Variants in OGDHL observed in about 807,000 individuals in gnomAD.
OGDHL encodes the protein 2-oxoglutarate dehydrogenase-like, mitochondrial.
Under a neutral mutation model 109.6 loss-of-function variants are expected in OGDHL, and 79 were observed. That is an observed-to-expected ratio of 0.72 (90% CI 0.60 to 0.87). OGDHL has a LOEUF of 0.87. OGDHL is among the 40% of genes least tolerant of loss of function. OGDHL has a pLI of 0.00. For missense variants in OGDHL, 1,275 were observed against 1,362.2 expected (o/e 0.94, Z 1.01); for synonymous variants, 528 against 537.2 (o/e 0.98, Z 0.24).
intron 13 of OGDHL, among the ~76,000 whole-genome samples, chr10:49,744,335 A>G (rs1365998631): frequency 6.6e-6 from 1 of 152,106 alleles, no homozygotes; most frequent in Non-Finnish European, 1.5e-5. Flanking sequence ...GCCCCAGGGT[A>G]ACAGCTCTTC....
At position 49,758,545 on chromosome 10, in the gene OGDHL, C is replaced by T. The variant is rs766810421; in HGVS notation, c.48G>A (p.Ala16=). Residue 16 remains alanine (A), a synonymous_variant, in exon 2 of 23, where the codon GCG becomes GCA. Coordinates refer to ENST00000374103, the MANE Select transcript of OGDHL (RefSeq NM_018245.3). ...LLPSRLGVQA[A]RLLAAHDVPV... ...GGACGTCATGTGCAGCCAGGAGCCT[C>T]GCAGCCTGTACCCCAAGACGGGACG... 1.7e-5 allele frequency: 27 copies of T among 1,613,762 alleles called. No homozygotes were observed. Among genetic ancestry groups the T allele is most frequent in the Admixed American group, 3.3e-5 (2 of 60,010 alleles).
At chr10:49,760,109 T>C (rs1843178429) in intron 1 of OGDHL, among the ~76,000 whole-genome samples, 1 of 152,174 alleles carries the variant, frequency 6.6e-6, no homozygotes, top group Admixed American at 6.5e-5. Context: ...TGATGTCACC[T>C]CAATGGAGGG....
At chr10:49,753,101 G>A (rs1564554355) in intron 3 of OGDHL, among the ~76,000 whole-genome samples, 1 of 152,218 alleles carries the variant, frequency 6.6e-6, no homozygotes, top group Non-Finnish European at 1.5e-5. Flanking sequence ...GCACTCCAGA[G>A]CCATTAAAAG....
At position 49,737,810 on chromosome 10, in the gene OGDHL, A is replaced by C; in HGVS notation, c.2566T>G (p.Ser856Ala). 1 of 1,614,174 alleles carries C rather than the reference A, an allele frequency of 6.2e-7. No homozygotes were observed. Among genetic ancestry groups the C allele is most frequent in the Non-Finnish European group, 8.5e-7 (1 of 1,180,024 alleles). Residue 856 changes from serine (S) to alanine (A), a missense_variant, in exon 20 of 23, where the codon TCC (serine) becomes GCC (alanine). Transcript: ENST00000374103. Reference protein sequence around the residue: ...KSLLRHPEAKSSFDQMVSGTS... With the variant: ...KSLLRHPEAKASFDQMVSGTS... Reference sequence around the variant, plus strand: ...CCGGATACCATTTGGTCAAAGCTGGACTTGGCCTCTGGGTGCCTCAGCAGA... The same window carrying C: ...CCGGATACCATTTGGTCAAAGCTGGCCTTGGCCTCTGGGTGCCTCAGCAGA...
At position 49,747,018 on chromosome 10, in the gene OGDHL, G is replaced by C. The variant is rs1423107053; in HGVS notation, c.1167+11C>G. 6.2e-7 allele frequency: 1 copy of C among 1,613,310 alleles called. No individual in the cohort carries two copies. Among genetic ancestry groups the C allele is most frequent in the South Asian group, 1.1e-5 (1 of 91,016 alleles). ...GGCCCAGGTCCTCTGGGTTCCCCCAGGTGAGCTCACCTTCTTGCCCTGGGC... is the reference window on the plus strand; with the variant it reads ...GGCCCAGGTCCTCTGGGTTCCCCCACGTGAGCTCACCTTCTTGCCCTGGGC... On this transcript the variant is annotated intron_variant, in intron 9 of 22. Coordinates refer to ENST00000374103, the MANE Select transcript of OGDHL (RefSeq NM_018245.3).
intron 3 of OGDHL, among the ~76,000 whole-genome samples, chr10:49,755,073 G>A (rs1280729992): frequency 3.9e-5 from 6 of 152,060 alleles, no homozygotes; most frequent in African/African-American, 7.2e-5. Context: ...GTGAAACCCC[G>A]TCTCCACTGA....
chr10:49,757,037 T>C (rs995222432), intron 2 of OGDHL, 91 bp from the exon 3 acceptor site: 2 of 1,320,708 alleles, frequency 1.5e-6, no homozygotes, highest in African/African-American at 2.9e-5. Context: ...GTGTCAGGTC[T>C]TCCTTGAGGA....
intron 4 of OGDHL, 142 bp downstream of exon 4, chr10:49,752,496 C>A: frequency 1.3e-6 from 1 of 748,312 alleles, no homozygotes; most frequent in Non-Finnish European, 2.4e-6. Context: ...AGGCAGTACA[C>A]AGGCAAGGTA....
Position 49,752,663 on chromosome 10 carries a change from G to A in OGDHL, c.453C>T (p.Asp151=). Residue 151 remains aspartate (D), a synonymous_variant, in exon 4 of 23, where the codon GAC becomes GAT. Coordinates refer to ENST00000374103, the MANE Select transcript of OGDHL (RefSeq NM_018245.3). ...DADLDSFVPS[D]LITTIDKLAF... ...CCAGTTTATCAATGGTTGTGATCAA[G>A]TCTGAGGGCACAAAGGAGTCCAGGT... 6.2e-7 allele frequency: 1 copy of A among 1,614,192 alleles called. No homozygotes were observed. The highest frequency in any genetic ancestry group is 8.5e-7 in the Non-Finnish European group (1 of 1,180,008).
At chr10:49,756,754 C>T (rs1207203672) in intron 3 of OGDHL, 22 bp downstream of exon 3, 3 of 1,604,656 alleles carry the variant, frequency 1.9e-6, no homozygotes, top group Non-Finnish European at 2.6e-6. Context: ...GCCTCCCAGG[C>T]TGTGCCTCAG....
chr10:49,750,783 C>A, intron 7 of OGDHL, 56 bp downstream of exon 7: 1 of 1,534,458 alleles, frequency 6.5e-7, no homozygotes, highest in Non-Finnish European at 8.8e-7. Flanking sequence ...TCTCTCCCAC[C>A]TCTGTCCCCT....
At position 49,747,056 on chromosome 10, in the gene OGDHL, G is replaced by A; in HGVS notation, c.1140C>T (p.Phe380=). Residue 380 remains phenylalanine, a synonymous_variant, in exon 9 of 23, where the codon TTC becomes TTT. Coordinates refer to ENST00000374103, the MANE Select transcript of OGDHL (RefSeq NM_018245.3). The part of the protein sequence containing the change: ...VVQGKTKAEQ[F]YRGDAQGKKV... ...TCTTGCCCTGGGCATCTCCACGGTA[G>A]AACTGCTCTGCCTTTGTCTTCCCCT... 6.2e-7 allele frequency: 1 copy of A among 1,614,186 alleles called. No individual in the cohort carries two copies. The highest frequency in any genetic ancestry group is 8.5e-7 in the Non-Finnish European group (1 of 1,180,010).
rs746700662 is a variant in OGDHL, at chr10:49,750,829, G to A, written c.896+10C>T. 6.2e-7 allele frequency: 1 copy of A among 1,605,324 alleles called. No homozygotes were observed. Among genetic ancestry groups the A allele is most frequent in the Non-Finnish European group, 8.5e-7 (1 of 1,175,238 alleles). Reference sequence around the variant, plus strand: ...AGAATGCGCAAGGCACAGCAGGGAGGGGGACCCACCTGTGTGGCATCCCCA... The same window carrying A: ...AGAATGCGCAAGGCACAGCAGGGAGAGGGACCCACCTGTGTGGCATCCCCA... On this transcript the variant is annotated intron_variant, in intron 7 of 22. Transcript: ENST00000374103.
intron 6 of OGDHL, among the ~76,000 whole-genome samples, chr10:49,751,202 G>C (rs1842566078): frequency 6.6e-6 from 1 of 152,058 alleles, no homozygotes; most frequent in Non-Finnish European, 1.5e-5. Flanking sequence ...CATCTTCCCA[G>C]CTGAACCAAA....
chr10:49,749,789 C>A lies in OGDHL; in HGVS notation c.924G>T (p.Val308=). 1 of 1,600,772 alleles carries A rather than the reference C, an allele frequency of 6.2e-7. No homozygotes were observed. Among genetic ancestry groups the A allele is most frequent in the Non-Finnish European group, 8.5e-7 (1 of 1,176,966 alleles). ...HRGRLNVLAN[V]IRKDLEQIFC... ...AGATCTGCTCCAGGTCCTTGCGGAT[C>A]ACGTTGGCCAGCACGTTCAGCCTTC... The change falls in exon 8 of 23, where the codon GTG becomes GTT. Residue 308 remains valine (V), a synonymous_variant. Coordinates refer to ENST00000374103, the MANE Select transcript of OGDHL (RefSeq NM_018245.3).
intron 17 of OGDHL, chr10:49,738,550 T>A (rs1564524602): frequency 4.3e-6 from 2 of 467,736 alleles, no homozygotes; most frequent in South Asian, 4.5e-5. Flanking sequence ...CCTGGAACAG[T>A]GGCTGCCACT....
At position 49,736,130 on chromosome 10, in the gene OGDHL, G is replaced by A; in HGVS notation, c.2802C>T (p.Tyr934=). Residue 934 remains tyrosine (Y), a synonymous_variant, in exon 22 of 23, where the codon TAC becomes TAT. Transcript: ENST00000374103. ...FDLIKQEAEK[Y]PGAELAWCQE... ...GACACCAGGCCAGCTCCGCACCTGG[G>A]TACTTCTCTGCCTCCTGCTTGATCA... 2 of 1,610,700 alleles carry A rather than the reference G, an allele frequency of 1.2e-6. No homozygotes were observed. Among genetic ancestry groups the A allele is most frequent in the Non-Finnish European group, 1.7e-6 (2 of 1,178,236 alleles).
In OGDHL at chr10:49,738,173, G is replaced by A; in HGVS notation, c.2391+18C>T. On this transcript the variant is annotated intron_variant, in intron 18 of 22. Coordinates refer to ENST00000374103, the MANE Select transcript of OGDHL (RefSeq NM_018245.3). ...CAATAGGGCGCGTCCCTGTCCTGGG[G>A]ACAGCAGCAACACTCACAGGGTAGG... 1 of 1,614,154 alleles carries A rather than the reference G, an allele frequency of 6.2e-7. No individual in the cohort carries two copies.
intron 3 of OGDHL, 75 bp from the exon 4 acceptor site, chr10:49,752,815 C>T: frequency 9.8e-7 from 1 of 1,023,368 alleles, no homozygotes; most frequent in Non-Finnish European, 1.5e-6. Flanking sequence ...GGCTCTGGGC[C>T]CCAGCCCCTC....
Sources: allele counts gnomAD v4.1 joint callset (sites outside exome capture counted in the v4.1 genomes callset), GRCh38; gene constraint gnomAD v4.1.1; transcripts MANE v1.5; gene names NCBI Gene and HGNC (gene_info 2026-07-23, HGNC 2026-07-21).